The following GARIN2 variants were observed in gnomAD, a reference collection of about 807,000 sequenced individuals.
GARIN2 encodes the protein golgi associated RAB2 interactor family member 2, also known as Golgi-associated RAB2 interactor protein 2.
chr14:67,193,580 TATAG>T, the GARIN2 span, among the ~76,000 whole-genome samples: 1 of 144,876 alleles, frequency 6.9e-6, no homozygotes, highest in African/African-American at 2.5e-5. Context: ...TAGATCTATA[TATAG>T]ATATAGATAT....
At chr14:67,199,620 A>G in the GARIN2 span, 10 of 1,585,278 alleles carry the variant, frequency 6.3e-6, no homozygotes, top group South Asian at 9.9e-5. Context: ...GGTGAGCGCC[A>G]TGGCTTAGCA....
the GARIN2 span, among the ~76,000 whole-genome samples, chr14:67,221,452 G>A: frequency 6.6e-6 from 1 of 152,210 alleles, no homozygotes; most frequent in African/African-American, 2.4e-5. Context: ...AGCCTGATAA[G>A]GGAAGGACAA....
At chr14:67,224,281 C>CA in the GARIN2 span, among the ~76,000 whole-genome samples, 1 of 139,008 alleles carries the variant, frequency 7.2e-6, no homozygotes, top group Non-Finnish European at 1.5e-5. Context: ...TTTTTTGAGA[C>CA]AGAGTCTTAC....
the GARIN2 span, among the ~76,000 whole-genome samples, chr14:67,214,569 C>T: frequency 2.0e-5 from 3 of 152,094 alleles, no homozygotes; most frequent in Admixed American, 6.6e-5. Context: ...GTTACTGTAG[C>T]CTTGTAGTAT....
At chr14:67,198,238 C>T in the GARIN2 span, 25 of 1,613,878 alleles carry the variant, frequency 1.5e-5, no homozygotes, top group Middle Eastern at 4.9e-4. Flanking sequence ...TCCCATGATC[C>T]GAGAGATCTT....
the GARIN2 span, among the ~76,000 whole-genome samples, chr14:67,213,583 G>T: frequency 6.6e-6 from 1 of 151,970 alleles, no homozygotes; most frequent in Non-Finnish European, 1.5e-5. Flanking sequence ...ATTTGGCTTG[G>T]TTCCAAGTCT....
At chr14:67,198,020 G>A in the GARIN2 span, 100 of 952,306 alleles carry the variant, frequency 1.1e-4, 1 homozygote, top group East Asian at 2.6e-3. Context: ...GCCTGGTGCA[G>A]TGCCAAGCAT....
the GARIN2 span, chr14:67,201,672 G>C: frequency 2.6e-6 from 1 of 384,134 alleles, no homozygotes; most frequent in South Asian, 1.9e-5. Flanking sequence ...TCCCTGAGCT[G>C]GGTCATCATC....
At chr14:67,224,674 T>C in the GARIN2 span, 1 of 328,932 alleles carries the variant, frequency 3.0e-6, no homozygotes, top group Non-Finnish European at 5.9e-6. Context: ...TCTGATTCTT[T>C]GATATTTTTT....
the GARIN2 span, chr14:67,208,420 GA>G: frequency 5.0e-6 from 8 of 1,613,836 alleles, no homozygotes; most frequent in Non-Finnish European, 6.8e-6. Context: ...CTGATTTTCA[GA>G]GCACAGCTCT....
At chr14:67,193,779 C>CAAAA in the GARIN2 span, among the ~76,000 whole-genome samples, 1 of 88,860 alleles carries the variant, frequency 1.1e-5, no homozygotes, top group East Asian at 3.1e-4. Context: ...CCAATTTCTA[C>CAAAA]AAAAAAAAAA....
At chr14:67,206,993 A>C in the GARIN2 span, among the ~76,000 whole-genome samples, 1 of 152,136 alleles carries the variant, frequency 6.6e-6, no homozygotes, top group Admixed American at 6.5e-5. Context: ...GCAAGCAAAA[A>C]TATTCTACCT....
At chr14:67,198,336 G>A in the GARIN2 span, 1 of 1,604,274 alleles carries the variant, frequency 6.2e-7, no homozygotes, top group Non-Finnish European at 8.5e-7. Context: ...TCATATTCAA[G>A]GCCTGAGTTA....
chr14:67,215,172 A>G, the GARIN2 span, among the ~76,000 whole-genome samples: 1 of 152,134 alleles, frequency 6.6e-6, no homozygotes, highest in Admixed American at 6.6e-5. Context: ...CCCTCTCATA[A>G]TGGCTTCTCC....
At chr14:67,204,316 G>A in the GARIN2 span, among the ~76,000 whole-genome samples, 1 of 152,032 alleles carries the variant, frequency 6.6e-6, no homozygotes, top group South Asian at 2.1e-4. Flanking sequence ...GTACATATCT[G>A]TTGTCCCAGC....
chr14:67,199,845 C>G, the GARIN2 span: 3 of 1,497,656 alleles, frequency 2.0e-6, no homozygotes, highest in Middle Eastern at 3.9e-4. Context: ...CCAGCCATGC[C>G]CCACCACCTA....
chr14:67,193,506 C>CAT, the GARIN2 span, among the ~76,000 whole-genome samples: 13 of 137,790 alleles, frequency 9.4e-5, no homozygotes, highest in South Asian at 2.3e-4. Context: ...TCTAGATATC[C>CAT]ATATATATAT....
At chr14:67,193,316 ATATCTATATATCTCTATATAGATATC>A in the GARIN2 span, among the ~76,000 whole-genome samples, 9 of 128,868 alleles carry the variant, frequency 7.0e-5, no homozygotes, top group South Asian at 2.4e-4. Flanking sequence ...CTCTATATAG[ATATCTATATATCTCTATATAGATATC>A]TATCTATATA....
the GARIN2 span, among the ~76,000 whole-genome samples, chr14:67,220,508 A>G: frequency 1.3e-5 from 2 of 152,150 alleles, no homozygotes; most frequent in Non-Finnish European, 2.9e-5. Context: ...ACTAGTCTTT[A>G]AAATTTAAAT....
Sources: allele counts gnomAD v4.1 joint callset (sites outside exome capture counted in the v4.1 genomes callset), GRCh38; gene constraint gnomAD v4.1.1; transcripts MANE v1.5; gene names NCBI Gene and HGNC (gene_info 2026-07-23, HGNC 2026-07-21).